Variants in OR51B5 observed in about 807,000 individuals in gnomAD.
OR51B5 encodes olfactory receptor family 51 subfamily B member 5, also known as olfactory receptor 51B5.
For synonymous variants in OR51B5, 186 were observed against 144.8 expected, an observed-to-expected ratio of 1.28 and a Z score of -2.04; for missense variants, 456 against 374.6, an observed-to-expected ratio of 1.22 and a Z score of -1.79.
At chr11:5,419,690 C>G (rs149904451) in intron 1 of OR51B5, among the ~76,000 whole-genome samples, 37 of 152,188 alleles carry the variant, frequency 2.4e-4, no homozygotes, top group African/African-American at 8.9e-4. Flanking sequence ...AACAACCTCT[C>G]ACATCGAGAA....
chr11:5,477,652 C>T (rs1278819941), intron 1 of OR51B5, among the ~76,000 whole-genome samples: 5 of 152,140 alleles, frequency 3.3e-5, no homozygotes, highest in East Asian at 1.9e-4. Flanking sequence ...TCAGTGGGTG[C>T]GCGCACCGTG....
chr11:5,445,024 C>G (rs1850740693), intron 1 of OR51B5, among the ~76,000 whole-genome samples: 1 of 152,130 alleles, frequency 6.6e-6, no homozygotes, highest in African/African-American at 2.4e-5. Context: ...TTGCCTCATT[C>G]AAATTTACAT....
chr11:5,343,241 C>G lies in OR51B5; in HGVS notation c.284G>C (p.Cys95Ser), dbSNP rs61738484. The change falls in exon 1 of 1, where the codon TGC becomes TCC. Residue 95 changes from cysteine to serine, a missense_variant. Physicochemically the swap from Cys to Ser is moderately radical, Grantham distance 112. Transcript: ENST00000300773. The stretch of plus-strand genomic sequence containing the variant: ...GTGTATAAAGTAGGCCTGGGAAAAG[C>G]AGGCCGCACTTCCAATCTCCCTGTG... 2.1e-3 allele frequency: 3,404 copies of G among 1,613,746 alleles called. 24 individuals are homozygous for G. In the African/African-American group the frequency reaches 0.023, roughly 11 times the overall value.
At chr11:5,405,593 A>C (rs1850046777) in intron 1 of OR51B5, among the ~76,000 whole-genome samples, 1 of 152,190 alleles carries the variant, frequency 6.6e-6, no homozygotes, top group African/African-American at 2.4e-5. Context: ...GTTGTTTAGA[A>C]AAAACTTTTA....
intron 1 of OR51B5, among the ~76,000 whole-genome samples, chr11:5,414,560 T>C (rs563908066): frequency 1.3e-5 from 2 of 151,694 alleles, no homozygotes. Flanking sequence ...GAGACACACA[T>C]AGGCTCAAAA....
At chr11:5,343,549 CTTTCTG>C (rs754413438), upstream of OR51B5, 10 of 729,436 alleles carry the variant, frequency 1.4e-5, no homozygotes, top group East Asian at 2.5e-5. Flanking sequence ...GAAGAAATGT[CTTTCTG>C]TTTCTGTTAT....
chr11:5,498,078 G>A (rs1049835835), intron 1 of OR51B5, among the ~76,000 whole-genome samples: 7 of 152,106 alleles, frequency 4.6e-5, no homozygotes, highest in African/African-American at 1.7e-4. Context: ...TCACAACCTT[G>A]GCACAGCTAG....
At chr11:5,476,062 C>A (rs1851301041) in intron 1 of OR51B5, among the ~76,000 whole-genome samples, 1 of 152,206 alleles carries the variant, frequency 6.6e-6, no homozygotes, top group Non-Finnish European at 1.5e-5. Flanking sequence ...ACTCACTTTT[C>A]TACCTTAATT....
chr11:5,364,118 G>T (rs1402984192), intron 1 of OR51B5, among the ~76,000 whole-genome samples: 1 of 152,090 alleles, frequency 6.6e-6, no homozygotes, highest in Non-Finnish European at 1.5e-5. Flanking sequence ...AAAGGAAGAG[G>T]TATCTCAACA....
intron 1 of OR51B5, among the ~76,000 whole-genome samples, chr11:5,380,090 G>T (rs184284699): frequency 5.1e-4 from 78 of 152,264 alleles, no homozygotes; most frequent in African/African-American, 1.7e-3. Flanking sequence ...GTGGGGAGAA[G>T]AGATGGTTTC....
intron 1 of OR51B5, among the ~76,000 whole-genome samples, chr11:5,415,212 T>G (rs7108416): frequency 0.39 from 57,463 of 149,230 alleles, 12,568 homozygotes; most frequent in Non-Finnish European, 0.49. Context: ...AAATAAAGAT[T>G]TTCTTTGAAA....
At chr11:5,375,473 C>G (rs1389546866) in intron 1 of OR51B5, among the ~76,000 whole-genome samples, 1 of 151,852 alleles carries the variant, frequency 6.6e-6, no homozygotes. Flanking sequence ...CAAATTCACA[C>G]ATACAATATT....
At chr11:5,347,506 G>A (rs905884705), upstream of OR51B5, among the ~76,000 whole-genome samples, 5 of 149,274 alleles carry the variant, frequency 3.3e-5, no homozygotes, top group African/African-American at 1.3e-4. Flanking sequence ...TGGTGCTTCA[G>A]CCAAGCACAC....
chr11:5,478,220 C>A (rs1204466487), intron 1 of OR51B5, among the ~76,000 whole-genome samples: 2 of 152,162 alleles, frequency 1.3e-5, no homozygotes, highest in South Asian at 2.1e-4. Flanking sequence ...CCCGAGCAGC[C>A]TAACTGGGAG....
At chr11:5,344,283 T>A (rs1453810608), upstream of OR51B5, among the ~76,000 whole-genome samples, 11 of 152,232 alleles carry the variant, frequency 7.2e-5, no homozygotes, top group Admixed American at 6.5e-4. Flanking sequence ...CTTATAATAG[T>A]GTATCTCCTT....
At chr11:5,461,560 G>T (rs938236128) in intron 1 of OR51B5, among the ~76,000 whole-genome samples, 3 of 152,176 alleles carry the variant, frequency 2.0e-5, no homozygotes, top group African/African-American at 7.2e-5. Flanking sequence ...ACCTACAGGA[G>T]TGTGGCAAGC....
At chr11:5,410,257 G>T (rs1279137189) in intron 1 of OR51B5, among the ~76,000 whole-genome samples, 2 of 152,098 alleles carry the variant, frequency 1.3e-5, no homozygotes, top group Admixed American at 1.3e-4. Context: ...TACTCATGTT[G>T]TATTGGGGTT....
Position 5,477,157 on chromosome 11 carries a change from C to A in OR51B5, n.84+28412G>T, listed in dbSNP as rs189531007. On this transcript the variant is annotated intron_variant and non_coding_transcript_variant, in intron 1 of 4. Transcript: ENST00000415970. The stretch of plus-strand genomic sequence containing the variant: ...GTAGTGATGGTTTCATGGCTGTATA[C>A]TTATATCCAAACTCATCAACTGAAT... Among the ~76,000 whole-genome samples the A allele has an allele frequency of 2.0e-5, 3 of 152,178 alleles. No individual in the cohort carries two copies. In the East Asian group the frequency reaches 5.9e-4, roughly 30 times the overall value.
In OR51B5 at chr11:5,501,987, A is replaced by T. The variant is rs60009111; in HGVS notation, n.84+3582T>A. Among the ~76,000 whole-genome samples the T allele has an allele frequency of 1.1e-4, 17 of 151,026 alleles. No homozygotes were observed. The East Asian group carries it at 3.2e-3, about 28-fold the overall frequency. On this transcript the variant is annotated intron_variant and non_coding_transcript_variant, in intron 1 of 4. Coordinates refer to the OR51B5 transcript ENST00000415970. ...TGTGTCCATGTGTTCTCATTGTTCAACTCCCACCTGTGAGTGAATTTCTCC... is the reference window on the plus strand; with the variant it reads ...TGTGTCCATGTGTTCTCATTGTTCATCTCCCACCTGTGAGTGAATTTCTCC...
Sources: allele counts gnomAD v4.1 joint callset (sites outside exome capture counted in the v4.1 genomes callset), GRCh38; gene constraint gnomAD v4.1.1; transcripts MANE v1.5; gene names NCBI Gene and HGNC (gene_info 2026-07-23, HGNC 2026-07-21).